Variants in ESR1 observed in about 807,000 individuals in gnomAD.
ESR1 encodes the protein estrogen receptor.
In ESR1, 12 loss-of-function variants were observed where a neutral mutation model predicts 52.7. The observed-to-expected ratio is 0.23, with a 90% CI of 0.15 to 0.37. The LOEUF (loss-of-function observed/expected upper bound fraction) is 0.37. ESR1 is among the 10% of genes least tolerant of loss of function. The pLI, the probability that ESR1 is intolerant of heterozygous loss-of-function variation, is 1.00. For synonymous variants in ESR1, 305 were observed against 316.8 expected (o/e 0.96, Z 0.39); for missense variants, 584 against 779.7 (o/e 0.75, Z 2.99).
At chr6:151,922,209 G>A (rs1046099951) in intron 3 of ESR1, among the ~76,000 whole-genome samples, 2 of 152,064 alleles carry the variant, frequency 1.3e-5, no homozygotes, top group Admixed American at 6.6e-5. Context: ...ACAAGCAATG[G>A]GGAAAGGATT....
chr6:152,099,055 T>TGCCGGAGTGTATGCAGG lies in ESR1; in HGVS notation c.*89_*90insGCCGGAGTGTATGCAGG. ...CTTTAGCCAAATTCTGTCTCCTGCA[T>TGCCGGAGTGTATGCAGG]ACACTCCGGCATGCATCCAACACCA... is the stretch of plus-strand genomic sequence containing the variant. On this transcript the variant is annotated 3_prime_UTR_variant, in exon 8 of 8. Coordinates refer to ENST00000206249, the MANE Select transcript of ESR1 (RefSeq NM_000125.4). 2 of 1,040,464 alleles carry TGCCGGAGTGTATGCAGG rather than the reference T, an allele frequency of 1.9e-6. No homozygotes were observed. Among genetic ancestry groups the TGCCGGAGTGTATGCAGG allele is most frequent in the Non-Finnish European group, 2.9e-6 (2 of 683,466 alleles). 64.5% of individuals were successfully genotyped at this position (1,040,464 alleles called of 1,614,324 possible).
chr6:152,046,434 G>A (rs1304173621), intron 5 of ESR1, among the ~76,000 whole-genome samples: 1 of 152,150 alleles, frequency 6.6e-6, no homozygotes, highest in African/African-American at 2.4e-5. Context: ...AAAAATTAAA[G>A]TGCACTTCCA....
intron 5 of ESR1, among the ~76,000 whole-genome samples, chr6:152,041,133 A>C (rs920397901): frequency 6.6e-6 from 1 of 152,170 alleles, no homozygotes; most frequent in African/African-American, 2.4e-5. Context: ...TATCTGCAGG[A>C]GATGCAGGGC....
intron 4 of ESR1, among the ~76,000 whole-genome samples, chr6:151,956,849 T>TAA (rs1562594236): frequency 2.4e-3 from 79 of 33,060 alleles, no homozygotes; most frequent in African/African-American, 4.0e-3. Context: ...AATAAATATA[T>TAA]ATATATATAT....
At chr6:151,932,773 G>A (rs1331786587) in intron 3 of ESR1, among the ~76,000 whole-genome samples, 2 of 151,254 alleles carry the variant, frequency 1.3e-5, no homozygotes, top group African/African-American at 2.4e-5. Flanking sequence ...TAGGTATGCG[G>A]CGTTATTTCT....
At chr6:151,709,933 C>A (rs1780466568) in intron 2 of ESR1, among the ~76,000 whole-genome samples, 1 of 151,276 alleles carries the variant, frequency 6.6e-6, no homozygotes, top group African/African-American at 2.4e-5. Flanking sequence ...AAATTTTCTT[C>A]TAAAAATTTC....
chr6:151,900,895 A>G (rs1001628536), intron 3 of ESR1, among the ~76,000 whole-genome samples: 3 of 152,310 alleles, frequency 2.0e-5, no homozygotes, highest in Non-Finnish European at 4.4e-5. Context: ...TTGTTGTTTA[A>G]TGCACTATTT....
Position 152,060,987 on chromosome 6 carries a change from A to G in ESR1, c.1236-4A>G. 6.3e-7 allele frequency: 1 copy of G among 1,599,212 alleles called. No individual in the cohort carries two copies. The highest frequency in any genetic ancestry group is 1.1e-5 in the South Asian group (1 of 89,132). ...ATTTATTTATTTTTGCTATGTTTTC[A>G]TAGGAACCAGGGAAAATGTGTAGAG... is the stretch of plus-strand genomic sequence containing the variant. On this transcript the variant is annotated splice_region_variant and splice_polypyrimidine_tract_variant and intron_variant, in intron 5 of 7. Transcript: ENST00000206249.
intron 1 of ESR1, among the ~76,000 whole-genome samples, chr6:151,675,806 C>G (rs12110772): frequency 0.017 from 2,613 of 152,242 alleles, 75 homozygotes; most frequent in African/African-American, 0.06. Context: ...TATGGTGAAA[C>G]AAAATTAGCA....
intron 2 of ESR1, among the ~76,000 whole-genome samples, chr6:151,854,591 A>G (rs535474361): frequency 2.6e-5 from 4 of 152,186 alleles, no homozygotes; most frequent in African/African-American, 4.8e-5. Context: ...TTTTATCCAA[A>G]TAAGCATCAT....
At chr6:151,992,588 C>T (rs1032206134) in intron 4 of ESR1, among the ~76,000 whole-genome samples, 27 of 152,142 alleles carry the variant, frequency 1.8e-4, no homozygotes, top group Admixed American at 5.9e-4. Context: ...TCTAGGGACA[C>T]TCAAGACACT....
intron 4 of ESR1, among the ~76,000 whole-genome samples, chr6:151,945,811 A>G (rs897107068): frequency 2.6e-5 from 4 of 152,198 alleles, no homozygotes; most frequent in Non-Finnish European, 4.4e-5. Context: ...GCCTTAGAGA[A>G]TCTTACATGT....
At chr6:151,873,792 G>A (rs560455597) in intron 2 of ESR1, among the ~76,000 whole-genome samples, 1 of 152,260 alleles carries the variant, frequency 6.6e-6, no homozygotes, top group East Asian at 1.9e-4. Flanking sequence ...GAAGTAGAAA[G>A]GAAGTCAGAT....
chr6:152,077,930 G>A (rs1185280908), intron 6 of ESR1, among the ~76,000 whole-genome samples: 2 of 152,154 alleles, frequency 1.3e-5, no homozygotes, highest in Non-Finnish European at 2.9e-5. Context: ...TGGACTTTTG[G>A]TTAATTCTGA....
chr6:151,911,374 A>G (rs1798231571), intron 3 of ESR1, among the ~76,000 whole-genome samples: 1 of 152,184 alleles, frequency 6.6e-6, no homozygotes, highest in Admixed American at 6.5e-5. Flanking sequence ...AGTTATGGTT[A>G]TTGCATGGCT....
chr6:151,836,363 T>A (rs751606579), intron 1 of ESR1, among the ~76,000 whole-genome samples: 1 of 152,130 alleles, frequency 6.6e-6, no homozygotes, highest in Non-Finnish European at 1.5e-5. Context: ...AGGAACAAAG[T>A]CACGTCTTAC....
At chr6:151,810,514 T>C (rs941959859) in intron 1 of ESR1, among the ~76,000 whole-genome samples, 1 of 152,194 alleles carries the variant, frequency 6.6e-6, no homozygotes, top group Non-Finnish European at 1.5e-5. Context: ...AAGGAAAGGA[T>C]TGATTGGGCT....
chr6:152,044,122 T>TA (rs763355246), intron 5 of ESR1, among the ~76,000 whole-genome samples: 35 of 152,306 alleles, frequency 2.3e-4, no homozygotes, highest in Non-Finnish European at 1.9e-4. Context: ...GTTCTCCACA[T>TA]ATGGTTAAAG....
At chr6:151,839,816 G>A (rs1783990168) in intron 1 of ESR1, among the ~76,000 whole-genome samples, 1 of 152,092 alleles carries the variant, frequency 6.6e-6, no homozygotes, top group African/African-American at 2.4e-5. Flanking sequence ...AGAAAATGGG[G>A]AATTATTGTT....
Sources: allele counts gnomAD v4.1 joint callset (sites outside exome capture counted in the v4.1 genomes callset), GRCh38; gene constraint gnomAD v4.1.1; transcripts MANE v1.5; gene names NCBI Gene and HGNC (gene_info 2026-07-23, HGNC 2026-07-21).